Variants in BLM observed in about 807,000 individuals in gnomAD.
BLM encodes recQ-like DNA helicase BLM.
BLM carries 95 observed loss-of-function variants against 135.3 expected under a neutral mutation model. The observed-to-expected ratio is 0.70, with a 90% confidence interval of 0.59 to 0.83. The LOEUF (loss-of-function observed/expected upper bound fraction) is 0.83. BLM is among the 40% of genes least tolerant of loss of function. The pLI, the probability that BLM is intolerant of heterozygous loss-of-function variation, is 0.00. For synonymous variants in BLM, 520 were observed against 589.2 expected (o/e 0.88, Z 1.70); for missense variants, 1,518 against 1,663.9 (o/e 0.91, Z 1.53).
intron 16 of BLM, among the ~76,000 whole-genome samples, chr15:90,796,866 TAGG>T (rs1273791210): frequency 6.6e-6 from 1 of 152,088 alleles, no homozygotes; most frequent in Admixed American, 6.6e-5. Context: ...TCAGCTGAGT[TAGG>T]AGGACATCTG....
intron 16 of BLM, among the ~76,000 whole-genome samples, chr15:90,796,749 G>T (rs1277805112): frequency 6.6e-6 from 1 of 152,170 alleles, no homozygotes; most frequent in East Asian, 1.9e-4. Flanking sequence ...CTATGGAGAT[G>T]GAGAATTGGA....
rs139708727 is a variant in BLM at position 90,779,470 on chromosome 15, A to G, written c.2556-3352A>G. ...ATGCACCGTTTCCAACTTAAGCCCA[A>G]ATCAACTCAAATGCATTTTAAGATT... On this transcript the variant is annotated intron_variant, in intron 12 of 21. Coordinates refer to ENST00000355112, the MANE Select transcript of BLM (RefSeq NM_000057.4). Among the ~76,000 whole-genome samples, 322 of 152,284 alleles carry G rather than the reference A, an allele frequency of 2.1e-3. 1 individual carries two copies. Among genetic ancestry groups the G allele is most frequent in the African/African-American group, 7.4e-3 (309 of 41,556 alleles).
intron 3 of BLM, among the ~76,000 whole-genome samples, chr15:90,750,970 T>C (rs1444367423): frequency 6.6e-6 from 1 of 152,236 alleles, no homozygotes; most frequent in African/African-American, 2.4e-5. Context: ...TAGTGGTAAA[T>C]TGGAAAATGA....
At chr15:90,752,570 G>A (rs1039451602) in intron 4 of BLM, among the ~76,000 whole-genome samples, 3 of 152,140 alleles carry the variant, frequency 2.0e-5, no homozygotes, top group Non-Finnish European at 4.4e-5. Context: ...CCATTATATG[G>A]GAAGTGAATT....
At chr15:90,786,008 T>C (rs1282206963) in intron 14 of BLM, among the ~76,000 whole-genome samples, 1 of 144,958 alleles carries the variant, frequency 6.9e-6, no homozygotes, top group African/African-American at 2.7e-5. Flanking sequence ...CTTTTTTTTT[T>C]TTTTTTTTTT....
chr15:90,771,482 G>A (rs1292414916), intron 12 of BLM, among the ~76,000 whole-genome samples: 1 of 150,940 alleles, frequency 6.6e-6, no homozygotes, highest in African/African-American at 2.4e-5. Context: ...GTAAGGCCCT[G>A]TCTCAAAAAC....
intron 5 of BLM, among the ~76,000 whole-genome samples, chr15:90,756,355 G>A (rs538947509): frequency 1.3e-5 from 2 of 151,940 alleles, no homozygotes; most frequent in African/African-American, 2.4e-5. Flanking sequence ...CGCCCACCTC[G>A]GCCCCCCAAA....
At chr15:90,774,474 A>G (rs1039496018) in intron 12 of BLM, among the ~76,000 whole-genome samples, 3 of 151,962 alleles carry the variant, frequency 2.0e-5, no homozygotes, top group African/African-American at 7.3e-5. Flanking sequence ...AGCTATATGA[A>G]GTGGTAGGTG....
intron 4 of BLM, 125 bp downstream of exon 4, chr15:90,752,071 G>T: frequency 2.1e-6 from 2 of 943,818 alleles, no homozygotes; most frequent in Non-Finnish European, 3.1e-6. Context: ...TTACATTCAA[G>T]TGAAAGCCTC....
Position 90,784,944 on chromosome 15 carries a change from C to T in BLM, c.2686C>T (p.Leu896Phe), listed in dbSNP as rs151309611. The part of the protein sequence containing the change: ...HPYDSGIIYC[L>F]SRRECDTMAD... Reference sequence around the variant, plus strand: ...AGATGATTCAGGGATAATTTACTGCCTCTCCAGGCGAGAATGTGACACCAT... The same window carrying T: ...AGATGATTCAGGGATAATTTACTGCTTCTCCAGGCGAGAATGTGACACCAT... The change falls in exon 14 of 22, where the codon CTC becomes TTC. Residue 896 changes from leucine (L) to phenylalanine (F), a missense_variant. Physicochemically the swap from Leu to Phe is conservative, Grantham distance 22. Transcript: ENST00000355112. 3 of 1,613,682 alleles carry T rather than the reference C, an allele frequency of 1.9e-6. No individual in the cohort carries two copies. Among genetic ancestry groups the T allele is most frequent in the African/African-American group, 1.3e-5 (1 of 74,876 alleles).
At chr15:90,758,097 G>A (rs1305012891) in intron 5 of BLM, among the ~76,000 whole-genome samples, 2 of 151,838 alleles carry the variant, frequency 1.3e-5, no homozygotes, top group African/African-American at 2.4e-5. Context: ...CCAGGCTGGT[G>A]TCAAACTCCT....
chr15:90,727,495 G>C (rs1014602351), intron 1 of BLM, among the ~76,000 whole-genome samples: 2 of 152,144 alleles, frequency 1.3e-5, no homozygotes, highest in Admixed American at 6.5e-5. Context: ...CTTGGCTTTT[G>C]AAACCTTTCC....
At chr15:90,732,028 A>G (rs1486573855) in intron 1 of BLM, among the ~76,000 whole-genome samples, 1 of 151,944 alleles carries the variant, frequency 6.6e-6, no homozygotes, top group Non-Finnish European at 1.5e-5. Context: ...CCTCCCTTCT[A>G]TTTTCATCAG....
intron 20 of BLM, 104 bp downstream of exon 20, chr15:90,809,363 G>A (rs546431972): frequency 2.4e-5 from 38 of 1,565,560 alleles, no homozygotes; most frequent in African/African-American, 2.2e-4. Flanking sequence ...CCTACACCTC[G>A]TCACACTGAC....
At chr15:90,773,769 G>T (rs774625890) in intron 12 of BLM, among the ~76,000 whole-genome samples, 1 of 152,034 alleles carries the variant, frequency 6.6e-6, no homozygotes, top group Non-Finnish European at 1.5e-5. Context: ...CACTGAGCAT[G>T]TTTTTAAGGT....
chr15:90,797,690 A>G (rs1425010660), intron 16 of BLM, among the ~76,000 whole-genome samples: 3 of 152,112 alleles, frequency 2.0e-5, no homozygotes, highest in Non-Finnish European at 4.4e-5. Context: ...AGAAAGGCAA[A>G]AAGTCATCTA....
intron 1 of BLM, among the ~76,000 whole-genome samples, chr15:90,721,680 CCCAG>C (rs937615376): frequency 2.0e-5 from 3 of 151,950 alleles, no homozygotes; most frequent in African/African-American, 7.2e-5. Context: ...CGCCTGTAAT[CCCAG>C]CACTTTGGGA....
intron 1 of BLM, among the ~76,000 whole-genome samples, chr15:90,728,701 C>T (rs550149607): frequency 4.3e-4 from 66 of 152,150 alleles, no homozygotes; most frequent in African/African-American, 8.4e-4. Flanking sequence ...CCACTGCACC[C>T]GGCCGGGTAT....
chr15:90,754,881 A>G lies in BLM; in HGVS notation c.1030A>G (p.Lys344Glu), dbSNP rs1895777243. The G allele has an allele frequency of 6.2e-7, 1 of 1,613,888 alleles. No individual in the cohort carries two copies. Among genetic ancestry groups the G allele is most frequent in the African/African-American group, 1.3e-5 (1 of 74,908 alleles). ...TAGCACATCAAAAGATCTTTTGTCA[A>G]AACCTGAGAAAATGAGTATGCAGGA... is the stretch of plus-strand genomic sequence containing the variant. ...VLSTSKDLLSKPEKMSMQELN... is the reference protein window; with the variant it reads ...VLSTSKDLLSEPEKMSMQELN... Residue 344 changes from lysine to glutamate, a missense_variant, in exon 5 of 22, where the codon AAA becomes GAA. Around this residue, in one of 5 missense-constraint regions of BLM, gnomAD observed 724 missense variants for 756.9 expected, o/e 0.96. Transcript: ENST00000355112.
Sources: allele counts gnomAD v4.1 joint callset (sites outside exome capture counted in the v4.1 genomes callset), GRCh38; gene constraint gnomAD v4.1.1; regional missense constraint gnomAD v4.1.1; transcripts MANE v1.5; gene names NCBI Gene and HGNC (gene_info 2026-07-23, HGNC 2026-07-21).